Variants in FANCM observed in about 807,000 individuals in gnomAD.
The protein encoded by FANCM is FA complementation group M.
In FANCM, 140 loss-of-function variants were observed where a neutral mutation model predicts 199.5. That is an observed-to-expected ratio of 0.70 (90% CI 0.61 to 0.81). The LOEUF (loss-of-function observed/expected upper bound fraction) is 0.81, where lower values mean the gene tolerates loss of function less well. Among genes scored for constraint, FANCM ranks in the 30% least tolerant of loss-of-function variants. The pLI is 0.00. For synonymous variants in FANCM, 840 were observed against 836.8 expected, an observed-to-expected ratio of 1.00 and a Z score of -0.07; for missense variants, 2,410 against 2,421.4, an observed-to-expected ratio of 1.00 and a Z score of 0.10.
intron 2 of FANCM, chr14:45,137,900 T>G (rs539860381): frequency 6.5e-6 from 1 of 152,948 alleles, no homozygotes; most frequent in Non-Finnish European, 1.5e-5. Flanking sequence ...AATGTTTGGC[T>G]GGGATAACAC....
rs567206367 is a variant in FANCM at position 45,183,770 on chromosome 14, A to T, written c.4387-4A>T. ...TATGCAAGAATTTTGTCGAATTATT[A>T]TAGTCAGAATTATCATCTAGTGATG... On this transcript the variant is annotated splice_polypyrimidine_tract_variant and splice_region_variant and intron_variant, in intron 16 of 22. Coordinates refer to ENST00000267430, the MANE Select transcript of FANCM (RefSeq NM_020937.4). The T allele has an allele frequency of 6.2e-7, 1 of 1,603,604 alleles. No homozygotes were observed. The highest frequency in any genetic ancestry group is 1.7e-5 in the Admixed American group (1 of 59,872).
rs1849755616 is a variant in FANCM, at chr14:45,164,493, A to G, written c.1716A>G (p.Gln572=). Residue 572 remains glutamine, a synonymous_variant, in exon 10 of 23, where the codon CAA becomes CAG. Transcript: ENST00000267430. ...DSQKSPIRLV[Q]RMGRTGRKRQ... ...AGAAGAGCCCAATTCGTCTTGTACA[A>G]CGAATGGGTAGAACTGGCCGTAAAC... is the stretch of plus-strand genomic sequence containing the variant. The G allele has an allele frequency of 3.1e-6, 5 of 1,613,632 alleles. No individual in the cohort carries two copies. Among genetic ancestry groups the G allele is most frequent in the Non-Finnish European group, 4.2e-6 (5 of 1,180,014 alleles).
At chr14:45,140,577 C>T in intron 2 of FANCM, 55 bp from the exon 3 acceptor site, 2 of 913,908 alleles carry the variant, frequency 2.2e-6, no homozygotes, top group South Asian at 2.6e-5. Flanking sequence ...TTTAACAGAA[C>T]CACTGTTATT....
intron 1 of FANCM, among the ~76,000 whole-genome samples, chr14:45,136,864 A>G (rs1002424463): frequency 6.6e-6 from 1 of 152,226 alleles, no homozygotes; most frequent in African/African-American, 2.4e-5. Flanking sequence ...TTTTCTAAAG[A>G]CAATTTGGTT....
At chr14:45,171,041 C>T (rs975698293) in intron 12 of FANCM, among the ~76,000 whole-genome samples, 3 of 151,868 alleles carry the variant, frequency 2.0e-5, no homozygotes, top group Admixed American at 6.6e-5. Context: ...TTAAACATTT[C>T]TATATAGGCA....
chr14:45,155,554 C>T (rs1252318094), intron 8 of FANCM, 95 bp downstream of exon 8: 3 of 695,894 alleles, frequency 4.3e-6, no homozygotes, highest in African/African-American at 3.6e-5. Context: ...ACCTGTAATC[C>T]CAGCACTTTG....
At chr14:45,179,236 C>G (rs1355199815) in intron 14 of FANCM, among the ~76,000 whole-genome samples, 1 of 151,900 alleles carries the variant, frequency 6.6e-6, no homozygotes, top group East Asian at 1.9e-4. Flanking sequence ...TCCTTACTCT[C>G]TGACTGAATA....
rs1566718197 is a variant in FANCM at position 45,137,216 on chromosome 14, C to T, written c.656C>T (p.Ala219Val). The change falls in exon 2 of 23, where the codon GCT (alanine) becomes GTT (valine). Residue 219 changes from alanine to valine, a missense_variant. Coordinates refer to ENST00000267430, the MANE Select transcript of FANCM (RefSeq NM_020937.4). ...TTAGTTATTGATGAAGCTCATAAAGCTCTCGGAAACTATGCTTATTGCCAG... is the reference window on the plus strand; with the variant it reads ...TTAGTTATTGATGAAGCTCATAAAGTTCTCGGAAACTATGCTTATTGCCAG... The part of the protein sequence containing the change: ...KCLVIDEAHK[A>V]LGNYAYCQVV... 6.2e-7 allele frequency: 1 copy of T among 1,612,984 alleles called. No individual in the cohort carries two copies. The highest frequency in any genetic ancestry group is 8.5e-7 in the Non-Finnish European group (1 of 1,179,924).
At chr14:45,169,057 G>A (rs184951312) in intron 11 of FANCM, among the ~76,000 whole-genome samples, 1,616 of 151,916 alleles carry the variant, frequency 0.011, 34 homozygotes, top group African/African-American at 0.037. Context: ...AAGTAGCTGG[G>A]ATTACAGGCA....
At chr14:45,161,772 G>A (rs1887625069) in intron 9 of FANCM, among the ~76,000 whole-genome samples, 1 of 151,824 alleles carries the variant, frequency 6.6e-6, no homozygotes, top group Non-Finnish European at 1.5e-5. Flanking sequence ...GTGAGACCCT[G>A]TCTCAAAAAA....
intron 11 of FANCM, among the ~76,000 whole-genome samples, chr14:45,169,021 A>T (rs1190596889): frequency 1.3e-5 from 2 of 151,984 alleles, no homozygotes; most frequent in African/African-American, 4.8e-5. Flanking sequence ...TCCCAGGTTC[A>T]AGCAATTCTC....
intron 12 of FANCM, among the ~76,000 whole-genome samples, chr14:45,172,204 A>G (rs1312092985): frequency 6.6e-6 from 1 of 152,096 alleles, no homozygotes; most frequent in Non-Finnish European, 1.5e-5. Flanking sequence ...TTTTACAAAG[A>G]TTTTCTCCTA....
intron 11 of FANCM, among the ~76,000 whole-genome samples, chr14:45,169,434 T>G (rs1392295598): frequency 6.6e-6 from 1 of 151,906 alleles, no homozygotes; most frequent in Non-Finnish European, 1.5e-5. Flanking sequence ...TTAAAAAGCT[T>G]CTTACACAAG....
At chr14:45,180,248 G>C (rs1001635233) in intron 14 of FANCM, among the ~76,000 whole-genome samples, 7 of 152,136 alleles carry the variant, frequency 4.6e-5, no homozygotes, top group African/African-American at 1.7e-4. Flanking sequence ...TAGCTGAGTG[G>C]TTCTGGCCTA....
intron 14 of FANCM, among the ~76,000 whole-genome samples, chr14:45,179,669 C>G (rs752667449): frequency 6.7e-6 from 1 of 149,192 alleles, no homozygotes; most frequent in African/African-American, 2.5e-5. Flanking sequence ...TCAAGCGATT[C>G]TCCTGCCTCA....
chr14:45,176,805 T>C lies in FANCM; in HGVS notation c.4051T>C (p.Ser1351Pro). Reference sequence around the variant, plus strand: ...TAAATCAAACACATTGAACTCATTTTCTAAGATAAGAAAGGAAATACTTAA... The same window carrying C: ...TAAATCAAACACATTGAACTCATTTCCTAAGATAAGAAAGGAAATACTTAA... Reference protein sequence around the residue: ...LSKSNTLNSFSKIRKEILKTP... With the variant: ...LSKSNTLNSFPKIRKEILKTP... The change falls in exon 14 of 23, where the codon TCT becomes CCT. Residue 1351 changes from serine (S) to proline (P), a missense_variant. By Grantham distance (74) the Ser-to-Pro change is moderately conservative. Coordinates refer to ENST00000267430, the MANE Select transcript of FANCM (RefSeq NM_020937.4). The C allele has an allele frequency of 6.2e-7, 1 of 1,607,088 alleles. No individual in the cohort carries two copies. The highest frequency in any genetic ancestry group is 8.5e-7 in the Non-Finnish European group (1 of 1,176,808).
At chr14:45,187,743 A>G (rs971502837) in intron 18 of FANCM, 38 bp from the exon 19 acceptor site, 1 of 956,426 alleles carries the variant, frequency 1.0e-6, no homozygotes, top group African/African-American at 1.6e-5. Context: ...TCATTTAAAT[A>G]ATTTTGCTAA....
At chr14:45,183,747 T>C (rs1218163047) in intron 16 of FANCM, 27 bp from the exon 17 acceptor site, 6 of 1,570,946 alleles carry the variant, frequency 3.8e-6, no homozygotes, top group Non-Finnish European at 5.2e-6. Flanking sequence ...TTTTTTCTTA[T>C]GCAAGAATTT....
intron 3 of FANCM, among the ~76,000 whole-genome samples, chr14:45,148,197 A>AC (rs1886556890): frequency 6.9e-6 from 1 of 145,352 alleles, no homozygotes; most frequent in Non-Finnish European, 1.5e-5. Context: ...GCACCGTCTC[A>AC]AAAACACACA....
Sources: gnomAD v4.1 joint callset for allele counts (sites outside exome capture counted in the v4.1 genomes callset) on GRCh38, gnomAD v4.1.1 for gene constraint, MANE v1.5 for transcripts, NCBI Gene and HGNC (gene_info 2026-07-23, HGNC 2026-07-21) for gene names.